ZC3H18: variants seen among roughly 807,000 people sequenced by gnomAD.
ZC3H18 encodes zinc finger CCCH-type containing 18, also known as zinc finger CCCH domain-containing protein 18.
In ZC3H18, 8 loss-of-function variants were observed where a neutral mutation model predicts 106.1. That is an observed-to-expected ratio of 0.08 (90% CI 0.04 to 0.14). ZC3H18 has a LOEUF of 0.14. Ranked by LOEUF, ZC3H18 falls within the 10% of genes least tolerant of loss-of-function variation. The probability of loss-of-function intolerance (pLI) is 1.00; values close to 1 mark genes in which losing one functional copy is unlikely to be tolerated. For synonymous variants in ZC3H18, 635 were observed against 522.1 expected, an observed-to-expected ratio of 1.22 and a Z score of -2.95; for missense variants, 1,318 against 1,278.4, an observed-to-expected ratio of 1.03 and a Z score of -0.47.
chr16:88,592,904 AG>A (rs994816291), intron 3 of ZC3H18, among the ~76,000 whole-genome samples: 10 of 152,156 alleles, frequency 6.6e-5, no homozygotes, highest in African/African-American at 1.9e-4. Context: ...ATTATTCGTA[AG>A]TTCTTTTTAA....
chr16:88,607,930 T>G (rs576800016), intron 6 of ZC3H18, among the ~76,000 whole-genome samples: 8 of 152,334 alleles, frequency 5.3e-5, no homozygotes, highest in African/African-American at 1.9e-4. Context: ...TGTTGATATT[T>G]TATTCCTAAG....
intron 16 of ZC3H18, chr16:88,630,271 C>A (rs1906579221): frequency 2.0e-6 from 1 of 509,518 alleles, no homozygotes; most frequent in Admixed American, 3.6e-5. Flanking sequence ...GAACCTGGGG[C>A]CCAGGTTTGG....
chr16:88,620,929 A>G (rs1197623042), intron 8 of ZC3H18, among the ~76,000 whole-genome samples: 1 of 152,150 alleles, frequency 6.6e-6, no homozygotes, highest in African/African-American at 2.4e-5. Context: ...GCAGTGGCGC[A>G]GTCTCAGCTC....
chr16:88,620,145 G>T (rs1905869015), intron 8 of ZC3H18, among the ~76,000 whole-genome samples: 1 of 152,194 alleles, frequency 6.6e-6, no homozygotes, highest in African/African-American at 2.4e-5. Context: ...GGTTAAACAA[G>T]CTCTGAAAAC....
chr16:88,594,875 G>A (rs947643277), intron 3 of ZC3H18, among the ~76,000 whole-genome samples: 4 of 152,214 alleles, frequency 2.6e-5, no homozygotes, highest in Non-Finnish European at 5.9e-5. Flanking sequence ...CAGTTGGCTG[G>A]GCGTGGTGGT....
intron 2 of ZC3H18, among the ~76,000 whole-genome samples, chr16:88,585,699 A>G (rs1441000118): frequency 6.6e-6 from 1 of 151,988 alleles, no homozygotes; most frequent in East Asian, 1.9e-4. Context: ...GCGAGACTGG[A>G]GGAGTTGAGG....
chr16:88,610,988 G>A (rs751095327), intron 7 of ZC3H18, among the ~76,000 whole-genome samples: 4 of 152,204 alleles, frequency 2.6e-5, no homozygotes, highest in Non-Finnish European at 5.9e-5. Context: ...CATCTGACCC[G>A]GTTTTTAACA....
At position 88,577,433 on chromosome 16, in the gene ZC3H18, G is replaced by A. The variant is rs1203037713; in HGVS notation, c.310G>A (p.Gly104Arg). ...SSPCEEEGDE[G>R]EEDRTSDLRD... is the part of the protein sequence containing the mutation. The stretch of plus-strand genomic sequence containing the variant: ...CCCCTGCGAGGAGGAGGGGGACGAA[G>A]GGGAGGAAGACCGGACAAGCGACCT... Residue 104 changes from glycine (G) to arginine (R), a missense_variant, in exon 2 of 18, where the codon GGG becomes AGG. Coordinates refer to ENST00000301011, the MANE Select transcript of ZC3H18 (RefSeq NM_144604.4). 1.9e-6 allele frequency: 3 copies of A among 1,608,094 alleles called. No individual in the cohort carries two copies. The highest frequency in any genetic ancestry group is 2.2e-5 in the South Asian group (2 of 90,686).
intron 13 of ZC3H18, chr16:88,626,505 T>C (rs1187414647): frequency 2.6e-5 from 4 of 152,184 alleles, no homozygotes; most frequent in African/African-American, 7.2e-5. Context: ...TTGTCACAGT[T>C]CTTTGTTTCT....
rs921390066 is a variant in ZC3H18, at chr16:88,573,189, C to G, written c.-15+2623C>G. Among the ~76,000 whole-genome samples, 4 of 152,094 alleles carry G rather than the reference C, an allele frequency of 2.6e-5. 1 individual carries two copies. Among genetic ancestry groups the G allele is most frequent in the Admixed American group, 2.6e-4 (4 of 15,262 alleles). On this transcript the variant is annotated intron_variant, in intron 1 of 17. Transcript: ENST00000301011. ...ATGAGAATCAGAATTTGTCATATTT[C>G]AGGTCTGGGTTCAGCTTGGGGCATC...
chr16:88,586,006 G>C (rs749353371), intron 2 of ZC3H18, among the ~76,000 whole-genome samples: 3 of 152,122 alleles, frequency 2.0e-5, no homozygotes, highest in African/African-American at 4.8e-5. Flanking sequence ...TGGGTGGCTT[G>C]GGGAGAGCAC....
At chr16:88,579,779 A>G (rs2066585125) in intron 2 of ZC3H18, among the ~76,000 whole-genome samples, 2 of 152,172 alleles carry the variant, frequency 1.3e-5, no homozygotes, top group South Asian at 2.1e-4. Context: ...ACGGGGAGGC[A>G]GGTTTCTTCC....
At chr16:88,621,375 C>T (rs1375901280) in intron 8 of ZC3H18, among the ~76,000 whole-genome samples, 1 of 152,192 alleles carries the variant, frequency 6.6e-6, no homozygotes, top group Non-Finnish European at 1.5e-5. Context: ...CAGGCGCCTG[C>T]CACCACGCCT....
intron 3 of ZC3H18, among the ~76,000 whole-genome samples, chr16:88,590,599 G>A (rs1915693102): frequency 2.8e-5 from 3 of 108,296 alleles, no homozygotes; most frequent in Non-Finnish European, 5.2e-5. Flanking sequence ...GTCTCGCTCT[G>A]TCACCCGGGC....
At chr16:88,612,537 G>A (rs1050540237) in intron 8 of ZC3H18, among the ~76,000 whole-genome samples, 2 of 151,630 alleles carry the variant, frequency 1.3e-5, no homozygotes, top group Non-Finnish European at 2.9e-5. Context: ...ATTAGCTGGG[G>A]GAGGTGGCAT....
rs531522195 is a variant in ZC3H18 at position 88,580,987 on chromosome 16, G to A, written c.603+3261G>A. Among the ~76,000 whole-genome samples, 11 of 152,260 alleles carry A rather than the reference G, an allele frequency of 7.2e-5. No individual in the cohort carries two copies. The South Asian group carries it at 1.0e-3, about 14-fold the overall frequency. On this transcript the variant is annotated intron_variant, in intron 2 of 17. Transcript: ENST00000301011. ...TTCCAGGTCCCAGCAGGGTCTTACC[G>A]GCCCAGTCAGGAGAGGGACTGATTC...
At chr16:88,583,155 CT>C (rs1915234794) in intron 2 of ZC3H18, among the ~76,000 whole-genome samples, 1 of 152,252 alleles carries the variant, frequency 6.6e-6, no homozygotes, top group African/African-American at 2.4e-5. Context: ...TTATCTGCAT[CT>C]GCCTTTGTAC....
rs1906659487 is a variant in ZC3H18, at chr16:88,631,082, C to G, written c.2664-19C>G. 1 of 1,610,862 alleles carries G rather than the reference C, an allele frequency of 6.2e-7. No individual in the cohort carries two copies. On this transcript the variant is annotated intron_variant, in intron 17 of 17. Coordinates refer to ENST00000301011, the MANE Select transcript of ZC3H18 (RefSeq NM_144604.4). ...GACGTGGCTTCTGGGGGCTCAAGGT[C>G]TTCCCCACCCCCTTGTAGGAAGCGC... is the stretch of plus-strand genomic sequence containing the variant.
intron 1 of ZC3H18, among the ~76,000 whole-genome samples, chr16:88,572,566 A>G (rs1914478978): frequency 6.6e-6 from 1 of 152,064 alleles, no homozygotes; most frequent in African/African-American, 2.4e-5. Flanking sequence ...AAGTTCACCC[A>G]TCTGGTGGAT....
Sources: allele counts gnomAD v4.1 joint callset (sites outside exome capture counted in the v4.1 genomes callset), GRCh38; gene constraint gnomAD v4.1.1; transcripts MANE v1.5; gene names NCBI Gene and HGNC (gene_info 2026-07-23, HGNC 2026-07-21).